CLIC6: variants seen among roughly 807,000 people sequenced by gnomAD.
CLIC6 encodes CLIC family member 6.
Under a neutral mutation model 49.2 loss-of-function variants are expected in CLIC6, and 39 were observed. The ratio of observed to expected loss-of-function variants is 0.79; its 90% CI spans 0.61 to 1.04. CLIC6 has a LOEUF of 1.04. CLIC6 is among the 50% of genes least tolerant of loss of function. The probability of loss-of-function intolerance (pLI) is 0.00; values close to 1 mark genes in which losing one functional copy is unlikely to be tolerated. For synonymous variants in CLIC6, 446 were observed against 433.4 expected (o/e 1.03, Z -0.36); for missense variants, 988 against 993.1 (o/e 0.99, Z 0.07).
At chr21:34,707,808 A>C in intron 2 of CLIC6, 136 bp from the exon 3 acceptor site, 1 of 880,404 alleles carries the variant, frequency 1.1e-6, no homozygotes, top group South Asian at 1.7e-5. Context: ...CCAGCAAGAC[A>C]TTTTCATAAA....
intron 1 of CLIC6, 120 bp downstream of exon 1, chr21:34,670,882 C>G (rs1321990042): frequency 8.9e-7 from 1 of 1,127,566 alleles, no homozygotes; most frequent in Non-Finnish European, 1.2e-6. Context: ...TGTCATCAGG[C>G]GCTTCCATGC....
chr21:34,669,329 CCA>C lies in CLIC6; in HGVS notation c.-58_-57del. 8.2e-7 allele frequency: 1 copy of C among 1,215,166 alleles called. No homozygotes were observed. Among genetic ancestry groups the C allele is most frequent in the Non-Finnish European group, 1.0e-6 (1 of 972,680 alleles). The allele number at this position is 1,215,166 out of a possible 1,614,324, so 75.3% of individuals were successfully genotyped here. A position where few individuals can be genotyped will look rare whatever the true frequency, so the allele number is the denominator to read the frequency against. Reference sequence around the variant, plus strand: ...CCCGTAGCACGCCCCTTGCCCAGCGCCACCGACCCTTAAGCAGCGTCAAGGAA... The same window carrying C: ...CCCGTAGCACGCCCCTTGCCCAGCGCCCGACCCTTAAGCAGCGTCAAGGAA... On this transcript the variant is annotated 5_prime_UTR_variant, in exon 1 of 6. Coordinates refer to ENST00000349499, the MANE Select transcript of CLIC6 (RefSeq NM_053277.3).
At chr21:34,709,559 C>G in intron 5 of CLIC6, 21 bp downstream of exon 5, 1 of 1,608,754 alleles carries the variant, frequency 6.2e-7, no homozygotes, top group Non-Finnish European at 8.5e-7. Context: ...CCTCCCGACA[C>G]GTGTGCCGAG....
At chr21:34,715,255 C>A (rs913640144) in intron 5 of CLIC6, among the ~76,000 whole-genome samples, 1 of 152,146 alleles carries the variant, frequency 6.6e-6, no homozygotes, top group African/African-American at 2.4e-5. Flanking sequence ...AGATCCTAAC[C>A]CCCAGTAGCT....
At chr21:34,707,793 C>A in intron 2 of CLIC6, 151 bp from the exon 3 acceptor site, 1 of 779,614 alleles carries the variant, frequency 1.3e-6, no homozygotes. Flanking sequence ...CCTTTACTTT[C>A]ATCGCCAGCA....
chr21:34,679,643 C>T (rs1045580130), intron 1 of CLIC6, among the ~76,000 whole-genome samples: 8 of 152,170 alleles, frequency 5.3e-5, no homozygotes, highest in African/African-American at 1.2e-4. Flanking sequence ...TTCCCAGATA[C>T]GATGGGGGTA....
At chr21:34,708,543 T>C (rs2056032612) in intron 3 of CLIC6, among the ~76,000 whole-genome samples, 157 bp from the exon 4 acceptor site, 1 of 152,240 alleles carries the variant, frequency 6.6e-6, no homozygotes, top group Non-Finnish European at 1.5e-5. Flanking sequence ...TCCTAGATGT[T>C]GTTACTTCCC....
chr21:34,689,551 G>A (rs1296036624), intron 1 of CLIC6, among the ~76,000 whole-genome samples: 1 of 151,830 alleles, frequency 6.6e-6, no homozygotes, highest in South Asian at 2.1e-4. Context: ...TTATATAGAA[G>A]GTGCTCTAAC....
chr21:34,673,947 A>G (rs1262908072), intron 1 of CLIC6, among the ~76,000 whole-genome samples: 2 of 152,152 alleles, frequency 1.3e-5, no homozygotes, highest in Non-Finnish European at 2.9e-5. Flanking sequence ...ATGCGTCTTC[A>G]TGGTGGGTTT....
rs2056093194 is a variant in CLIC6 at position 34,717,283 on chromosome 21, T to G, written c.*801T>G. The G allele has an allele frequency of 6.6e-6, 1 of 152,234 alleles. No homozygotes were observed. The highest frequency in any genetic ancestry group is 1.5e-5 in the Non-Finnish European group (1 of 68,060). The allele number at this position is 152,234 out of a possible 1,614,324, so 9.4% of individuals were successfully genotyped here. ...CTTCAGCAGGACTCTTAATATCTGC[T>G]GCAACTTGGAGAACCTCCCTGCCCT... On this transcript the variant is annotated 3_prime_UTR_variant, in exon 6 of 6. Coordinates refer to ENST00000349499, the MANE Select transcript of CLIC6 (RefSeq NM_053277.3).
In CLIC6 at chr21:34,679,171, C is replaced by T. The variant is rs1014006163; in HGVS notation, c.1374+8409C>T. On this transcript the variant is annotated intron_variant, in intron 1 of 5. Coordinates refer to ENST00000349499, the MANE Select transcript of CLIC6 (RefSeq NM_053277.3). ...GAGGTTTAATTGACTCACAGTTCTG[C>T]ATGGCCTGGGAGGCCTCAGGAAACT... 4.6e-5 allele frequency among the ~76,000 whole-genome samples: 7 copies of T among 152,220 alleles called. No individual in the cohort carries two copies. The East Asian group carries it at 1.2e-3, about 25-fold the overall frequency.
chr21:34,686,125 C>T (rs545248719), intron 1 of CLIC6, among the ~76,000 whole-genome samples: 145 of 152,280 alleles, frequency 9.5e-4, no homozygotes, highest in African/African-American at 3.0e-3. Context: ...ATGCTTTGGC[C>T]GGGCACGGTG....
At chr21:34,713,799 T>A (rs1390122809) in intron 5 of CLIC6, among the ~76,000 whole-genome samples, 2 of 152,152 alleles carry the variant, frequency 1.3e-5, no homozygotes, top group African/African-American at 4.8e-5. Flanking sequence ...ATCAACACAC[T>A]GAGACATACT....
intron 1 of CLIC6, among the ~76,000 whole-genome samples, chr21:34,700,410 G>A (rs1314611559): frequency 2.4e-5 from 3 of 124,816 alleles, no homozygotes; most frequent in Non-Finnish European, 4.9e-5. Flanking sequence ...TCGCGCCACC[G>A]CACTCCAGCC....
At chr21:34,677,664 A>T (rs1989698322) in intron 1 of CLIC6, among the ~76,000 whole-genome samples, 1 of 152,134 alleles carries the variant, frequency 6.6e-6, no homozygotes, top group African/African-American at 2.4e-5. Context: ...AAGGGTCAGG[A>T]TTTTTCTTCT....
In CLIC6 at chr21:34,717,950, C is replaced by T. The variant is rs1487242235; in HGVS notation, c.*1468C>T. On this transcript the variant is annotated 3_prime_UTR_variant, in exon 6 of 6. Coordinates refer to ENST00000349499, the MANE Select transcript of CLIC6 (RefSeq NM_053277.3). The stretch of plus-strand genomic sequence containing the variant: ...GGCCTCTTTCGCTCTTCGATTATGA[C>T]TGCTGCAGTTTTACCCCAGCAGTCA... The T allele has an allele frequency of 6.6e-6, 1 of 152,448 alleles. No individual in the cohort carries two copies. The highest frequency in any genetic ancestry group is 1.5e-5 in the Non-Finnish European group (1 of 68,046). The allele number at this position is 152,448 out of a possible 1,614,324, so 9.4% of individuals were successfully genotyped here. A position where few individuals can be genotyped will look rare whatever the true frequency, so the allele number is the denominator to read the frequency against.
chr21:34,669,832 G>C lies in CLIC6; in HGVS notation c.444G>C (p.Pro148=). Reference sequence around the variant, plus strand: ...AGGCGGAGCAGAGGCCTGAGGTCCCGGAAGGTAGCGCGTCCGGGGAGGCGG... The same window carrying C: ...AGGCGGAGCAGAGGCCTGAGGTCCCCGAAGGTAGCGCGTCCGGGGAGGCGG... ...QEEAEQRPEV[P]EGSASGEAGD... is the part of the protein sequence containing the mutation. The change falls in exon 1 of 6, where the codon CCG becomes CCC. Residue 148 remains proline, a synonymous_variant. Transcript: ENST00000349499. 1 of 1,416,926 alleles carries C rather than the reference G, an allele frequency of 7.1e-7. No homozygotes were observed. The highest frequency in any genetic ancestry group is 1.5e-5 in the African/African-American group (1 of 66,036). 87.8% of individuals were successfully genotyped at this position (1,416,926 alleles called of 1,614,324 possible). A position where few individuals can be genotyped will look rare whatever the true frequency, so the allele number is the denominator to read the frequency against.
intron 1 of CLIC6, among the ~76,000 whole-genome samples, chr21:34,688,053 CTTTTA>C (rs1158239750): frequency 6.6e-6 from 1 of 152,092 alleles, no homozygotes; most frequent in Non-Finnish European, 1.5e-5. Context: ...AAAGTGTGGA[CTTTTA>C]TTTATTTACA....
Position 34,684,098 on chromosome 21 carries a change from T to C in CLIC6, c.1374+13336T>C, listed in dbSNP as rs183867949. Among the ~76,000 whole-genome samples, 283 of 152,254 alleles carry C rather than the reference T, an allele frequency of 1.9e-3. 2 individuals carry two copies. The highest frequency in any genetic ancestry group is 6.4e-3 in the African/African-American group (266 of 41,542). ...GAAGTAAACGCTGCTTTTTTTTTTTTTGTCCTTCACACTACCAAGTGCTGT... is the reference window on the plus strand; with the variant it reads ...GAAGTAAACGCTGCTTTTTTTTTTTCTGTCCTTCACACTACCAAGTGCTGT... On this transcript the variant is annotated intron_variant, in intron 1 of 5. Transcript: ENST00000349499.
Sources: gnomAD v4.1 joint callset for allele counts (sites outside exome capture counted in the v4.1 genomes callset) on GRCh38, gnomAD v4.1.1 for gene constraint, MANE v1.5 for transcripts, NCBI Gene and HGNC (gene_info 2026-07-23, HGNC 2026-07-21) for gene names.